Variants in SPIRE2 observed in about 807,000 individuals in gnomAD.
SPIRE2 encodes the protein protein spire homolog 2.
Under a neutral mutation model 80.7 loss-of-function variants are expected in SPIRE2, and 76 were observed. That is an observed-to-expected ratio of 0.94 (90% CI 0.78 to 1.14). The LOEUF is 1.14. Among genes scored for constraint, SPIRE2 ranks in the 50% most tolerant of loss-of-function variants. The pLI is 0.00. For missense variants in SPIRE2, 1,196 were observed against 1,015.3 expected, an observed-to-expected ratio of 1.18 and a Z score of -2.42; for synonymous variants, 535 against 432.6, an observed-to-expected ratio of 1.24 and a Z score of -2.94.
intron 1 of SPIRE2, among the ~76,000 whole-genome samples, chr16:89,831,522 C>T (rs11643204): frequency 0.065 from 9,751 of 149,746 alleles, 871 homozygotes; most frequent in East Asian, 0.24. Context: ...CTCAGCGTCC[C>T]GAGTAGCTGG....
intron 9 of SPIRE2, 119 bp downstream of exon 9, chr16:89,859,473 G>C: frequency 1.9e-6 from 1 of 528,860 alleles, no homozygotes; most frequent in Non-Finnish European, 3.0e-6. Flanking sequence ...GGGACCCAGG[G>C]AGCTCGTGCC....
chr16:89,870,296 A>C lies in SPIRE2; in HGVS notation c.*24A>C, dbSNP rs1186575774. On this transcript the variant is annotated 3_prime_UTR_variant, in exon 15 of 15. Transcript: ENST00000378247. ...GACAGCCCCAGGTGGCCAGGCCTCC[A>C]GGAGGCACCAGGCAGGCCCTGTATC... The C allele has an allele frequency of 6.6e-7, 1 of 1,509,412 alleles. No homozygotes were observed. Among genetic ancestry groups the C allele is most frequent in the Non-Finnish European group, 9.1e-7 (1 of 1,104,038 alleles). The allele number at this position is 1,509,412 out of a possible 1,614,324, so 93.5% of individuals were successfully genotyped here.
chr16:89,867,720 G>A (rs1269719921), intron 12 of SPIRE2, among the ~76,000 whole-genome samples: 1 of 151,862 alleles, frequency 6.6e-6, no homozygotes, highest in Admixed American at 6.6e-5. Flanking sequence ...AAGTAGCTGT[G>A]ATTACAGGTG....
At chr16:89,835,526 C>T (rs2143779874) in intron 1 of SPIRE2, among the ~76,000 whole-genome samples, 1 of 152,256 alleles carries the variant, frequency 6.6e-6, no homozygotes, top group Middle Eastern at 3.4e-3. Context: ...AGAGCCGGCT[C>T]CCACAGCCTG....
chr16:89,850,253 C>G, intron 2 of SPIRE2, 51 bp from the exon 3 acceptor site: 4 of 1,540,360 alleles, frequency 2.6e-6, no homozygotes, highest in Non-Finnish European at 3.5e-6. Flanking sequence ...CGCGTTCTCC[C>G]CGCCCCACCC....
At position 89,828,933 on chromosome 16, in the gene SPIRE2, C is replaced by G. The variant is rs2041352946; in HGVS notation, c.244+139C>G. ...CCCCTTCTCTGCGGGACCCGGAGCT[C>G]CCTCCCTCCCACTCTCCGTCCCTCT... On this transcript the variant is annotated intron_variant, in intron 1 of 14. Coordinates refer to ENST00000378247, the MANE Select transcript of SPIRE2 (RefSeq NM_032451.2). The surrounding 1 kb of genome is among the most constrained non-coding windows in gnomAD (Gnocchi z 5.9). 1 of 563,698 alleles carries G rather than the reference C, an allele frequency of 1.8e-6. No homozygotes were observed. Among genetic ancestry groups the G allele is most frequent in the East Asian group, 5.1e-5 (1 of 19,446 alleles). The allele number at this position is 563,698 out of a possible 1,614,324, so 34.9% of individuals were successfully genotyped here.
intron 5 of SPIRE2, among the ~76,000 whole-genome samples, chr16:89,854,878 T>A (rs1367083703): frequency 6.6e-6 from 1 of 151,916 alleles, no homozygotes; most frequent in Non-Finnish European, 1.5e-5. Context: ...GGAAAGGAAG[T>A]GTGGAAGGTT....
intron 10 of SPIRE2, among the ~76,000 whole-genome samples, chr16:89,861,373 A>T (rs2041743227): frequency 6.6e-6 from 1 of 152,188 alleles, no homozygotes; most frequent in African/African-American, 2.4e-5. Flanking sequence ...TCACTATTTG[A>T]GGTTTTATCC....
At chr16:89,841,460 G>A (rs2041504771) in intron 1 of SPIRE2, among the ~76,000 whole-genome samples, 1 of 152,036 alleles carries the variant, frequency 6.6e-6, no homozygotes, top group South Asian at 2.1e-4. Context: ...GGTTGTGGTA[G>A]CTCTGTGGCC....
intron 1 of SPIRE2, among the ~76,000 whole-genome samples, chr16:89,836,698 G>T (rs1181980836): frequency 1.3e-5 from 2 of 151,908 alleles, no homozygotes; most frequent in Non-Finnish European, 2.9e-5. Context: ...AATATCCCCC[G>T]GCCGGGGGCG....
intron 1 of SPIRE2, among the ~76,000 whole-genome samples, chr16:89,837,101 C>T (rs2041457587): frequency 6.6e-6 from 1 of 152,194 alleles, no homozygotes; most frequent in Non-Finnish European, 1.5e-5. Flanking sequence ...CGCGTGGGTT[C>T]TGGAATTGCA....
intron 2 of SPIRE2, chr16:89,846,562 G>C (rs993118197): frequency 4.6e-5 from 7 of 151,980 alleles, no homozygotes; most frequent in African/African-American, 1.5e-4. Context: ...TCACCAGGCT[G>C]GAGTGCAGTG....
chr16:89,830,345 T>A lies in SPIRE2; in HGVS notation c.244+1551T>A, dbSNP rs746433285. Among the ~76,000 whole-genome samples the A allele has an allele frequency of 4.0e-5, 6 of 151,302 alleles. 1 individual carries two copies. The highest frequency in any genetic ancestry group is 7.4e-5 in the Non-Finnish European group (5 of 67,464). On this transcript the variant is annotated intron_variant, in intron 1 of 14. Coordinates refer to ENST00000378247, the MANE Select transcript of SPIRE2 (RefSeq NM_032451.2). Reference sequence around the variant, plus strand: ...CCCACCTGTGGTCCAGTTCATTTTTTATTTGATAACGATCTTTGTTTTCTG... The same window carrying A: ...CCCACCTGTGGTCCAGTTCATTTTTAATTTGATAACGATCTTTGTTTTCTG...
chr16:89,838,761 G>A lies in SPIRE2; in HGVS notation c.245-6561G>A, dbSNP rs1195602242. Among the ~76,000 whole-genome samples the A allele has an allele frequency of 6.6e-5, 10 of 152,326 alleles. No homozygotes were observed. In the South Asian group the frequency reaches 2.1e-3, roughly 32 times the overall value. Reference sequence around the variant, plus strand: ...GTGTCCAACAGCCCGTGCTAGGAGTGTTTTTCATCTGTGCAGCAGGCAGGT... The same window carrying A: ...GTGTCCAACAGCCCGTGCTAGGAGTATTTTTCATCTGTGCAGCAGGCAGGT... On this transcript the variant is annotated intron_variant, in intron 1 of 14. Coordinates refer to ENST00000378247, the MANE Select transcript of SPIRE2 (RefSeq NM_032451.2).
chr16:89,860,587 C>CT (rs2041734141), intron 9 of SPIRE2, 96 bp from the exon 10 acceptor site: 1 of 842,406 alleles, frequency 1.2e-6, no homozygotes, highest in South Asian at 1.5e-5. Context: ...CTTGGTTCCC[C>CT]TGGAGCCCTC....
intron 5 of SPIRE2, among the ~76,000 whole-genome samples, 172 bp from the exon 6 acceptor site, chr16:89,855,428 T>C (rs1567675808): frequency 6.6e-6 from 1 of 152,126 alleles, no homozygotes; most frequent in Non-Finnish European, 1.5e-5. Context: ...GAGCATGGCC[T>C]GTGGATCTGC....
rs991291773 is a variant in SPIRE2 at position 89,850,626 on chromosome 16, G to A, written c.611G>A (p.Arg204Gln). Residue 204 changes from arginine (R) to glutamine (Q), a missense_variant, in exon 3 of 15, where the codon CGG becomes CAG. Physicochemically the swap from Arg to Gln is conservative, Grantham distance 43 (BLOSUM62 1). Coordinates refer to ENST00000378247, the MANE Select transcript of SPIRE2 (RefSeq NM_032451.2). ...RALFVETLEL[R>Q]AFLARVREAK... The stretch of plus-strand genomic sequence containing the variant: ...CTCTTCGTGGAGACGCTGGAGCTGC[G>A]GGCCTTCCTGGCCAGGGTCCGGGAG... The A allele has an allele frequency of 1.2e-5, 18 of 1,513,286 alleles. No individual in the cohort carries two copies. Among genetic ancestry groups the A allele is most frequent in the South Asian group, 4.9e-5 (4 of 81,244 alleles). The allele number at this position is 1,513,286 out of a possible 1,614,324, so 93.7% of individuals were successfully genotyped here.
Position 89,828,477 on chromosome 16 carries a change from G to C in SPIRE2, c.-74G>C, listed in dbSNP as rs1048177870. On this transcript the variant is annotated 5_prime_UTR_variant, in exon 1 of 15. Transcript: ENST00000378247. The surrounding 1 kb of genome is among the most constrained non-coding windows in gnomAD (Gnocchi z 5.9). ...CGCTCGCGCGGGGCGGGGCGGCCAG[G>C]CTGACCCTGCGCGGCGGAAGGCGCG... 1 of 979,780 alleles carries C rather than the reference G, an allele frequency of 1.0e-6. No homozygotes were observed. The highest frequency in any genetic ancestry group is 1.8e-5 in the African/African-American group (1 of 56,368). The allele number at this position is 979,780 out of a possible 1,614,324, so 60.7% of individuals were successfully genotyped here.
chr16:89,854,236 A>G, intron 3 of SPIRE2, 50 bp from the exon 4 acceptor site: 1 of 1,558,222 alleles, frequency 6.4e-7, no homozygotes, highest in South Asian at 1.1e-5. Flanking sequence ...CCCGTCTTGC[A>G]TCTGCCATTC....
Sources: gnomAD v4.1 joint callset for allele counts (sites outside exome capture counted in the v4.1 genomes callset) on GRCh38, gnomAD v4.1.1 for gene constraint, Gnocchi (gnomAD v3.1) non-coding constraint, MANE v1.5 for transcripts, NCBI Gene and HGNC (gene_info 2026-07-23, HGNC 2026-07-21) for gene names.